Variants in PAK5 observed in about 807,000 individuals in gnomAD.
PAK5 encodes the protein serine/threonine-protein kinase PAK 5.
Under a neutral mutation model 65.9 loss-of-function variants are expected in PAK5, and 16 were observed. That is an observed-to-expected ratio of 0.24 (90% CI 0.16 to 0.37). The LOEUF (loss-of-function observed/expected upper bound fraction) is 0.37. Ranked by LOEUF, PAK5 falls within the 10% of genes least tolerant of loss-of-function variation. PAK5 has a pLI of 1.00. For synonymous variants in PAK5, 371 were observed against 354.9 expected (o/e 1.05, Z -0.51); for missense variants, 785 against 903.9 (o/e 0.87, Z 1.69).
At chr20:9,772,523 G>T (rs1331484288) in intron 1 of PAK5, among the ~76,000 whole-genome samples, 1 of 152,190 alleles carries the variant, frequency 6.6e-6, no homozygotes, top group Non-Finnish European at 1.5e-5. Context: ...AAACGCCCCA[G>T]TCTCCTTGTG....
At position 9,711,432 on chromosome 20, in the gene PAK5, A is replaced by G. The variant is rs1044976547; in HGVS notation, c.-158T>C. 3.9e-5 allele frequency: 6 copies of G among 152,130 alleles called. No individual in the cohort carries two copies. The highest frequency in any genetic ancestry group is 7.4e-5 in the Non-Finnish European group (5 of 68,020). 9.4% of individuals were successfully genotyped at this position (152,130 alleles called of 1,614,324 possible). A position where few individuals can be genotyped will look rare whatever the true frequency, so the allele number is the denominator to read the frequency against. ...AGGTGGAAGCATTTCACCACAGTGT[A>G]TTTCTGTAACAATATAGTACCAAAA... On this transcript the variant is annotated 5_prime_UTR_variant, in exon 2 of 10. Coordinates refer to ENST00000353224, the MANE Select transcript of PAK5 (RefSeq NM_177990.4).
intron 1 of PAK5, among the ~76,000 whole-genome samples, chr20:9,826,441 C>T (rs189658546): frequency 5.8e-4 from 88 of 152,268 alleles, no homozygotes; most frequent in African/African-American, 1.8e-3. Flanking sequence ...GTGATTCTTT[C>T]GACCAGTGTA....
chr20:9,627,142 C>A (rs1416163127), intron 3 of PAK5, among the ~76,000 whole-genome samples: 4 of 152,194 alleles, frequency 2.6e-5, no homozygotes, highest in Non-Finnish European at 5.9e-5. Flanking sequence ...GCTAAACATA[C>A]CACAGGGTTT....
intron 3 of PAK5, among the ~76,000 whole-genome samples, chr20:9,597,600 G>A (rs776006459): frequency 1.3e-5 from 2 of 152,148 alleles, no homozygotes; most frequent in Admixed American, 6.5e-5. Flanking sequence ...GTGTGACTCC[G>A]CACCTCCTCC....
At chr20:9,831,717 A>G (rs765497142) in intron 1 of PAK5, among the ~76,000 whole-genome samples, 4 of 152,186 alleles carry the variant, frequency 2.6e-5, no homozygotes, top group Admixed American at 6.5e-5. Context: ...CATGTTGCTC[A>G]GCCTGGTGTC....
At chr20:9,767,852 C>A (rs926497) in intron 1 of PAK5, among the ~76,000 whole-genome samples, 3 of 151,990 alleles carry the variant, frequency 2.0e-5, no homozygotes, top group East Asian at 3.9e-4. Flanking sequence ...TGGAATCAAC[C>A]TAGGTGCCCA....
In PAK5 at chr20:9,802,910, G is replaced by GTGTATATA. The variant is rs142279832; in HGVS notation, c.-162+35851_-162+35852insTATATACA. ...CTTCTGTACTATTGTATATGTATGTGTATATATATATATATATATATATGA... is the reference window on the plus strand; with the variant it reads ...CTTCTGTACTATTGTATATGTATGTGTGTATATATATATATATATATATATATATATGA... On this transcript the variant is annotated intron_variant, in intron 1 of 9. Transcript: ENST00000353224. Among the ~76,000 whole-genome samples, 45 of 46,366 alleles carry GTGTATATA rather than the reference G, an allele frequency of 9.7e-4. 2 individuals carry two copies. Among genetic ancestry groups the GTGTATATA allele is most frequent in the African/African-American group, 3.4e-3 (43 of 12,484 alleles). 30.4% of individuals were successfully genotyped at this position (46,366 alleles called of 152,430 possible).
intron 1 of PAK5, among the ~76,000 whole-genome samples, chr20:9,732,457 GA>G (rs2048344305): frequency 6.6e-6 from 1 of 152,054 alleles, no homozygotes; most frequent in Admixed American, 6.6e-5. Flanking sequence ...ACACAAAGTA[GA>G]AAAAAAATCA....
chr20:9,572,635 G>A (rs954807101), intron 4 of PAK5, among the ~76,000 whole-genome samples: 4 of 152,210 alleles, frequency 2.6e-5, no homozygotes, highest in African/African-American at 9.7e-5. Flanking sequence ...CTAGTGACAG[G>A]AATGATATTT....
At chr20:9,688,971 G>A (rs922364935) in intron 2 of PAK5, among the ~76,000 whole-genome samples, 1 of 152,128 alleles carries the variant, frequency 6.6e-6, no homozygotes, top group Non-Finnish European at 1.5e-5. Context: ...TGACATTAAT[G>A]TGGACTCAGT....
chr20:9,619,815 G>C (rs1700073995), intron 3 of PAK5, among the ~76,000 whole-genome samples: 1 of 152,116 alleles, frequency 6.6e-6, no homozygotes, highest in Non-Finnish European at 1.5e-5. Flanking sequence ...TTGATTCTTT[G>C]ACAGAAGATC....
At chr20:9,645,832 C>T (rs1488457425) in intron 2 of PAK5, among the ~76,000 whole-genome samples, 5 of 152,134 alleles carry the variant, frequency 3.3e-5, no homozygotes, top group South Asian at 2.1e-4. Flanking sequence ...GTGATCCGCC[C>T]GCCTCGGCCT....
At chr20:9,787,137 A>G (rs2049000875) in intron 1 of PAK5, among the ~76,000 whole-genome samples, 1 of 152,138 alleles carries the variant, frequency 6.6e-6, no homozygotes, top group African/African-American at 2.4e-5. Context: ...ATTCACATAT[A>G]CTCTTACCAT....
chr20:9,793,392 G>T (rs1363088070), intron 1 of PAK5, among the ~76,000 whole-genome samples: 2 of 152,088 alleles, frequency 1.3e-5, no homozygotes, highest in Admixed American at 1.3e-4. Flanking sequence ...ATACCAATAG[G>T]TTACCTATAG....
At chr20:9,747,011 C>T (rs140794232) in intron 1 of PAK5, among the ~76,000 whole-genome samples, 15 of 152,148 alleles carry the variant, frequency 9.9e-5, no homozygotes, top group Non-Finnish European at 1.6e-4. Context: ...ATATCACCAC[C>T]GATCCCACAG....
In PAK5 at chr20:9,556,317, T is replaced by C. The variant is rs1048943006; in HGVS notation, c.1743+1291A>G. On this transcript the variant is annotated intron_variant, in intron 7 of 9. Coordinates refer to ENST00000353224, the MANE Select transcript of PAK5 (RefSeq NM_177990.4). ...AATGGGATTAGGAGTGATCTTTGTC[T>C]TATCCTCTATACTTTTCTGAGTTTA... 5.2e-5 allele frequency among the ~76,000 whole-genome samples: 8 copies of C among 152,388 alleles called. No individual in the cohort carries two copies. In the East Asian group the frequency reaches 9.6e-4, roughly 18 times the overall value.
intron 1 of PAK5, among the ~76,000 whole-genome samples, chr20:9,729,595 C>T (rs1011063235): frequency 3.3e-5 from 5 of 152,070 alleles, no homozygotes; most frequent in Admixed American, 6.6e-5. Context: ...TAGAATGAGA[C>T]GGCAGGCTGA....
At chr20:9,723,140 C>T (rs538052601) in intron 1 of PAK5, among the ~76,000 whole-genome samples, 3 of 152,162 alleles carry the variant, frequency 2.0e-5, no homozygotes, top group Admixed American at 6.5e-5. Context: ...TAAAAGTTTC[C>T]TTGGAATTGG....
Position 9,580,218 on chromosome 20 carries a change from G to A in PAK5, c.917C>T (p.Thr306Ile). ...MMPFGASAFK[T>I]HPQGHSYNSY... ...GTTGTAGGAGTGTCCTTGGGGATGG[G>A]TTTTAAATGCACTTGCTCCAAATGG... The change falls in exon 4 of 10, where the codon ACC becomes ATC. Residue 306 changes from threonine to isoleucine, a missense_variant. Physicochemically the swap from Thr to Ile is moderately conservative, Grantham distance 89. Transcript: ENST00000353224. The A allele has an allele frequency of 6.2e-7, 1 of 1,614,166 alleles. No individual in the cohort carries two copies. The highest frequency in any genetic ancestry group is 1.3e-5 in the African/African-American group (1 of 75,050).
Sources: allele counts gnomAD v4.1 joint callset (sites outside exome capture counted in the v4.1 genomes callset), GRCh38; gene constraint gnomAD v4.1.1; transcripts MANE v1.5; gene names NCBI Gene and HGNC (gene_info 2026-07-23, HGNC 2026-07-21).